The following ADAMTSL4 variants were observed in gnomAD, a reference collection of about 807,000 sequenced individuals.
The protein encoded by ADAMTSL4 is ADAMTS-like protein 4.
Under a neutral mutation model 122.8 loss-of-function variants are expected in ADAMTSL4, and 97 were observed. The observed-to-expected ratio is 0.79, with a 90% CI of 0.67 to 0.93. The LOEUF is 0.93. ADAMTSL4 is among the 40% of genes least tolerant of loss of function. The pLI is 0.00. For synonymous variants in ADAMTSL4, 592 were observed against 568.0 expected (o/e 1.04, Z -0.60); for missense variants, 1,408 against 1,453.5 (o/e 0.97, Z 0.51).
At position 150,554,252 on chromosome 1, in the gene ADAMTSL4, G is replaced by C; in HGVS notation, c.1132-113G>C. On this transcript the variant is annotated intron_variant, in intron 6 of 18. Coordinates refer to ENST00000271643, the MANE Select transcript of ADAMTSL4 (RefSeq NM_019032.6). The surrounding 1 kb of genome is among the most constrained non-coding windows in gnomAD (Gnocchi z 4.0). ...TTGGCATCTGACCACCTCAGGGCAG[G>C]GGTCTTGGAGCTCTTCCGCTGACCT... 1 of 1,432,620 alleles carries C rather than the reference G, an allele frequency of 7.0e-7. No homozygotes were observed. Among genetic ancestry groups the C allele is most frequent in the Non-Finnish European group, 9.8e-7 (1 of 1,025,578 alleles). The allele number at this position is 1,432,620 out of a possible 1,614,324, so 88.7% of individuals were successfully genotyped here. A position where few individuals can be genotyped will look rare whatever the true frequency, so the allele number is the denominator to read the frequency against.
In ADAMTSL4 at chr1:150,559,075, T is replaced by C. The variant is rs1288114207; in HGVS notation, c.2673T>C (p.Cys891=). The C allele has an allele frequency of 5.0e-6, 8 of 1,612,554 alleles. No individual in the cohort carries two copies. The highest frequency in any genetic ancestry group is 6.8e-6 in the Non-Finnish European group (8 of 1,179,930). Residue 891 remains cysteine (C), a synonymous_variant, in exon 16 of 19, where the codon TGT becomes TGC. Transcript: ENST00000271643. The surrounding 1 kb of genome is among the most constrained non-coding windows in gnomAD (Gnocchi z 4.1). ...CAGGAGCAGGAACTGGGCAGAGCTG[T>C]CCAACAGGAAGCCGGCCCCCTGACA... ...GEAGAGTGQS[C]PTGSRPPDMR...
rs1163461833 is a variant in ADAMTSL4, at chr1:150,559,034, C to T, written c.2632C>T (p.Pro878Ser). Residue 878 changes from proline to serine, a missense_variant, in exon 16 of 19, where the codon CCA becomes TCA. Physicochemically the swap from Pro to Ser is moderately conservative, Grantham distance 74. Transcript: ENST00000271643. The surrounding 1 kb of genome is among the most constrained non-coding windows in gnomAD (Gnocchi z 4.1). Reference sequence around the variant, plus strand: ...CCTTGGGAGTGGGGCAGCCCTCGGGCCAGGCCAGGGGGAAGCAGGAGCAGG... The same window carrying T: ...CCTTGGGAGTGGGGCAGCCCTCGGGTCAGGCCAGGGGGAAGCAGGAGCAGG... Reference protein sequence around the residue: ...VCLGSGAALGPGQGEAGAGTG... With the variant: ...VCLGSGAALGSGQGEAGAGTG... 1.2e-6 allele frequency: 2 copies of T among 1,612,118 alleles called. No homozygotes were observed. Among genetic ancestry groups the T allele is most frequent in the Non-Finnish European group, 1.7e-6 (2 of 1,179,886 alleles).
Position 150,558,472 on chromosome 1 carries a change from G to C in ADAMTSL4, c.2383-1G>C, listed in dbSNP as rs185480031. 2.5e-6 allele frequency: 4 copies of C among 1,613,494 alleles called. No homozygotes were observed. The South Asian group carries it at 4.4e-5, about 18-fold the overall frequency. On this transcript the variant is annotated splice_acceptor_variant, in intron 14 of 18. Coordinates refer to ENST00000271643, the MANE Select transcript of ADAMTSL4 (RefSeq NM_019032.6). LOFTEE classifies it high-confidence loss of function. ...TCCCTGGATTCCCCTCGCCCCCTCA[G>C]TGCTCCGTGCGGTGCGGCCGGGGCC...
intron 2 of ADAMTSL4, chr1:150,550,617 G>A (rs1213648827): frequency 1.3e-5 from 5 of 397,452 alleles, no homozygotes; most frequent in South Asian, 8.8e-5. Flanking sequence ...TCCCTCAGCT[G>A]GAGTAACAAG....
At chr1:150,550,935 A>G in intron 2 of ADAMTSL4, 1 of 456,338 alleles carries the variant, frequency 2.2e-6, no homozygotes, top group South Asian at 1.5e-5. Context: ...CCACCTCAGC[A>G]ATGCGAGGGC....
rs587624924 is a variant in ADAMTSL4, at chr1:150,552,788, G to A, written c.79-110G>A. 132 of 1,336,060 alleles carry A rather than the reference G, an allele frequency of 9.9e-5. 2 individuals carry two copies. The South Asian group carries it at 1.5e-3, about 16-fold the overall frequency. The allele number at this position is 1,336,060 out of a possible 1,614,324, so 82.8% of individuals were successfully genotyped here. On this transcript the variant is annotated intron_variant, in intron 4 of 18. Coordinates refer to ENST00000271643, the MANE Select transcript of ADAMTSL4 (RefSeq NM_019032.6). The surrounding 1 kb of genome is among the most constrained non-coding windows in gnomAD (Gnocchi z 4.0). ...TGTAGTTCTCCCTCTGCTGCTGAATGTGACCTTGGACTGGTAGCGACTCCG... is the reference window on the plus strand; with the variant it reads ...TGTAGTTCTCCCTCTGCTGCTGAATATGACCTTGGACTGGTAGCGACTCCG...
rs1234111971 is a variant in ADAMTSL4, at chr1:150,557,307, C to T, written c.2019C>T (p.His673=). The part of the protein sequence containing the change: ...SPAAYWKRVG[H]SACSASCGKG... ...CTGCGTACTGGAAACGAGTGGGACA[C>T]TCTGCATGCTCAGCGTCCTGCGGGA... The change falls in exon 12 of 19, where the codon CAC becomes CAT. Residue 673 remains histidine, a synonymous_variant. Transcript: ENST00000271643. The T allele has an allele frequency of 6.2e-7, 1 of 1,611,998 alleles. No homozygotes were observed. The highest frequency in any genetic ancestry group is 8.5e-7 in the Non-Finnish European group (1 of 1,179,360).
In ADAMTSL4 at chr1:150,559,228, C is replaced by A. The variant is rs1275086667; in HGVS notation, c.2764-59C>A. ...CAGTCCCAGTGGGATTCCTTGTGGG[C>A]ACTTGGGGTGCTCTCTGTCCTCCCC... On this transcript the variant is annotated intron_variant, in intron 16 of 18. Coordinates refer to ENST00000271643, the MANE Select transcript of ADAMTSL4 (RefSeq NM_019032.6). The surrounding 1 kb of genome is among the most constrained non-coding windows in gnomAD (Gnocchi z 4.1). 2 of 1,612,562 alleles carry A rather than the reference C, an allele frequency of 1.2e-6. No individual in the cohort carries two copies. The highest frequency in any genetic ancestry group is 1.7e-5 in the Admixed American group (1 of 59,882).
intron 2 of ADAMTSL4, chr1:150,550,318 GCATGGGCCCCTGCCGGGCTGCGCAGGGGA>G: frequency 1.5e-5 from 7 of 452,826 alleles, no homozygotes; most frequent in South Asian, 3.1e-5. Flanking sequence ...AGAGGAGGGG[GCATGGGCCCCTGCCGGGCTGCGCAGGGGA>G]GGGTGGGGTG....
rs773215849 is a variant in ADAMTSL4, at chr1:150,553,043, C to T, written c.224C>T (p.Thr75Ile). The T allele has an allele frequency of 1.9e-6, 3 of 1,613,344 alleles. No individual in the cohort carries two copies. Among genetic ancestry groups the T allele is most frequent in the South Asian group, 2.2e-5 (2 of 91,076 alleles). Residue 75 changes from threonine to isoleucine, a missense_variant, in exon 5 of 19, where the codon ACA becomes ATA. Thr to Ile is a moderately conservative substitution (Grantham distance 89, BLOSUM62 -1). Transcript: ENST00000271643. ...AGGAGCCGGACATGTCAGCTCCCTA[C>T]AGTGCAGCTCCACCCGAGTCTGCCC... ...QRRSRTCQLP[T>I]VQLHPSLPLP...
rs1672105480 is a variant in ADAMTSL4, at chr1:150,556,289, A to G, written c.1499A>G (p.Tyr500Cys). Residue 500 changes from tyrosine (Y) to cysteine (C), a missense_variant, in exon 9 of 19, where the codon TAT (tyrosine) becomes TGT (cysteine). Coordinates refer to ENST00000271643, the MANE Select transcript of ADAMTSL4 (RefSeq NM_019032.6). This position sits in a 1 kb window ranked among gnomAD's most constrained non-coding sequence, Gnocchi z 4.1. ...NLTDRGGPLG[Y>C]QKILWIPAGA... ...ACTGACCGAGGGGGCCCCCTGGGCT[A>G]TCAGAAGATCTTGTGGATTCCAGCG... is the stretch of plus-strand genomic sequence containing the variant. The G allele has an allele frequency of 6.2e-7, 1 of 1,614,038 alleles. No homozygotes were observed. The highest frequency in any genetic ancestry group is 8.5e-7 in the Non-Finnish European group (1 of 1,179,994).
intron 13 of ADAMTSL4, 97 bp from the exon 14 acceptor site, chr1:150,557,848 C>T (rs1190406078): frequency 2.1e-5 from 31 of 1,473,510 alleles, no homozygotes; most frequent in Non-Finnish European, 2.7e-5. Context: ...TCCTCTGAGG[C>T]CCCCACGTCC....
rs920060868 is a variant in ADAMTSL4, at chr1:150,553,929, G to A, written c.938G>A (p.Gly313Asp). The change falls in exon 6 of 19, where the codon GGC becomes GAC. Residue 313 changes from glycine (G) to aspartate (D), a missense_variant. By Grantham distance (94) the Gly-to-Asp change is moderately conservative. Coordinates refer to ENST00000271643, the MANE Select transcript of ADAMTSL4 (RefSeq NM_019032.6). ...GTCCCTCGGGGCCGAGGCCAGCAGG[G>A]CCAAGGGCCTTGGGGAACGGGGGGG... ...PSVPRGRGQQ[G>D]QGPWGTGGTP... is the part of the protein sequence containing the mutation. 1.9e-6 allele frequency: 3 copies of A among 1,611,290 alleles called. No homozygotes were observed. The Admixed American group carries it at 5.0e-5, about 27-fold the overall frequency.
rs1560289955 is a variant in ADAMTSL4, at chr1:150,554,141, C to T, written c.1131+19C>T. On this transcript the variant is annotated intron_variant, in intron 6 of 18. Coordinates refer to ENST00000271643, the MANE Select transcript of ADAMTSL4 (RefSeq NM_019032.6). The surrounding 1 kb of genome is among the most constrained non-coding windows in gnomAD (Gnocchi z 4.0). ...CCAAGCGGTGAGTCTCCTCGGGCCTCCCCTCCCAACCCCGACCTCCAGTGT... is the reference window on the plus strand; with the variant it reads ...CCAAGCGGTGAGTCTCCTCGGGCCTTCCCTCCCAACCCCGACCTCCAGTGT... 1.3e-6 allele frequency: 2 copies of T among 1,597,470 alleles called. No homozygotes were observed. The highest frequency in any genetic ancestry group is 1.7e-6 in the Non-Finnish European group (2 of 1,179,402).
chr1:150,559,977 C>T lies in ADAMTSL4; in HGVS notation c.3088+72C>T. 6.2e-7 allele frequency: 1 copy of T among 1,613,854 alleles called. No homozygotes were observed. Among genetic ancestry groups the T allele is most frequent in the South Asian group, 1.1e-5 (1 of 91,084 alleles). On this transcript the variant is annotated intron_variant, in intron 18 of 18. Coordinates refer to ENST00000271643, the MANE Select transcript of ADAMTSL4 (RefSeq NM_019032.6). The surrounding 1 kb of genome is among the most constrained non-coding windows in gnomAD (Gnocchi z 4.1). ...AGTATGGGAGGAGATGAGAAAGGAC[C>T]AGTGGGAATGGGCAGCACACCCATT...
At position 150,556,398 on chromosome 1, in the gene ADAMTSL4, C is replaced by T. The variant is rs368357367; in HGVS notation, c.1576+32C>T. 1.9e-5 allele frequency: 31 copies of T among 1,612,528 alleles called. No homozygotes were observed. Among genetic ancestry groups the T allele is most frequent in the African/African-American group, 1.9e-4 (14 of 74,998 alleles). Reference sequence around the variant, plus strand: ...ACCCAGCTGCCTCCCCTTCCACTTCCGTCTCTGTTCGGCCCTCCATACCCC... The same window carrying T: ...ACCCAGCTGCCTCCCCTTCCACTTCTGTCTCTGTTCGGCCCTCCATACCCC... On this transcript the variant is annotated intron_variant, in intron 9 of 18. Coordinates refer to ENST00000271643, the MANE Select transcript of ADAMTSL4 (RefSeq NM_019032.6). The surrounding 1 kb of genome is among the most constrained non-coding windows in gnomAD (Gnocchi z 4.1).
rs749371337 is a variant in ADAMTSL4, at chr1:150,553,556, A to G, written c.565A>G (p.Arg189Gly). The G allele has an allele frequency of 6.2e-7, 1 of 1,613,614 alleles. No homozygotes were observed. Among genetic ancestry groups the G allele is most frequent in the Non-Finnish European group, 8.5e-7 (1 of 1,179,818 alleles). Reference sequence around the variant, plus strand: ...ATCTGAGCTGTCCCTGATCTCTTCTAGAGGGGAAGAGGCTATTCCGTCCCC... The same window carrying G: ...ATCTGAGCTGTCCCTGATCTCTTCTGGAGGGGAAGAGGCTATTCCGTCCCC... ...PRSELSLISS[R>G]GEEAIPSPTP... The change falls in exon 6 of 19, where the codon AGA becomes GGA. Residue 189 changes from arginine (R) to glycine (G), a missense_variant. Transcript: ENST00000271643.
rs587621046 is a variant in ADAMTSL4, at chr1:150,555,526, G to A, written c.1332G>A (p.Gln444=). The A allele has an allele frequency of 7.5e-5, 121 of 1,614,166 alleles. No homozygotes were observed. In the South Asian group the frequency reaches 1.2e-3, roughly 16 times the overall value. Residue 444 remains glutamine (Q), a synonymous_variant, in exon 8 of 19, where the codon CAG becomes CAA. Coordinates refer to ENST00000271643, the MANE Select transcript of ADAMTSL4 (RefSeq NM_019032.6). The part of the protein sequence containing the change: ...TEKVQDGTLC[Q]PGAPDICVAG... ...AGGTCCAGGATGGGACCCTGTGTCA[G>A]CCTGGAGCCCCTGACATCTGTGTGG...
chr1:150,558,005 C>T lies in ADAMTSL4; in HGVS notation c.2238C>T (p.Arg746=), dbSNP rs1409243711. The T allele has an allele frequency of 6.2e-7, 1 of 1,612,392 alleles. No individual in the cohort carries two copies. Among genetic ancestry groups the T allele is most frequent in the South Asian group, 1.1e-5 (1 of 91,052 alleles). Reference sequence around the variant, plus strand: ...CCTGTGGCCCCGGCACCCAGCACCGCCAGCTGCAGTGCCGGCAGGAATTTG... The same window carrying T: ...CCTGTGGCCCCGGCACCCAGCACCGTCAGCTGCAGTGCCGGCAGGAATTTG... ...SRSCGPGTQH[R]QLQCRQEFGG... The change falls in exon 14 of 19, where the codon CGC becomes CGT. Residue 746 remains arginine, a synonymous_variant. Transcript: ENST00000271643.
Sources: gnomAD v4.1 joint callset for allele counts on GRCh38, gnomAD v4.1.1 for gene constraint, Gnocchi (gnomAD v3.1) non-coding constraint, MANE v1.5 for transcripts, NCBI Gene and HGNC (gene_info 2026-07-23, HGNC 2026-07-21) for gene names.